BLTP1: variants seen among roughly 807,000 people sequenced by gnomAD.
BLTP1 encodes the protein fragile site-associated protein.
the BLTP1 span, among the ~76,000 whole-genome samples, chr4:122,173,763 CTTT>C: frequency 6.6e-6 from 1 of 152,004 alleles, no homozygotes; most frequent in Non-Finnish European, 1.5e-5. Context: ...TTTATTACTT[CTTT>C]AAGTGTTTCT....
chr4:122,289,450 G>A, the BLTP1 span: 151 of 965,922 alleles, frequency 1.6e-4, no homozygotes, highest in African/African-American at 2.3e-3. Flanking sequence ...AAAAAGAAAA[G>A]CTTACAGTAT....
At chr4:122,318,616 A>T in the BLTP1 span, among the ~76,000 whole-genome samples, 2 of 152,136 alleles carry the variant, frequency 1.3e-5, no homozygotes, top group African/African-American at 4.8e-5. Context: ...CTCTGCAAAA[A>T]ATGTGAAAAA....
chr4:122,204,449 G>T, the BLTP1 span: 2 of 845,102 alleles, frequency 2.4e-6, no homozygotes, highest in Non-Finnish European at 2.8e-6. Context: ...TACTATCCCT[G>T]AGTTAATAAT....
chr4:122,220,340 C>T, the BLTP1 span: 1 of 1,612,856 alleles, frequency 6.2e-7, no homozygotes, highest in Admixed American at 1.7e-5. Context: ...TAGCATGGAA[C>T]TACTGATGGT....
the BLTP1 span, chr4:122,325,877 G>A: frequency 8.5e-7 from 1 of 1,176,340 alleles, no homozygotes; most frequent in Non-Finnish European, 1.1e-6. Flanking sequence ...GTATGGGGAA[G>A]TACACCACAA....
the BLTP1 span, chr4:122,298,670 C>G: frequency 6.4e-4 from 7 of 10,958 alleles, no homozygotes; most frequent in Non-Finnish European, 8.1e-4. Context: ...GGTATTTAAA[C>G]ATATAATAAT....
the BLTP1 span, among the ~76,000 whole-genome samples, chr4:122,269,852 T>C: frequency 6.6e-5 from 10 of 152,222 alleles, no homozygotes. Context: ...CAGGGACTTA[T>C]ATTTTAAAAT....
At chr4:122,230,334 T>C in the BLTP1 span, 23 of 785,136 alleles carry the variant, frequency 2.9e-5, no homozygotes, top group South Asian at 2.9e-4. Context: ...CTAACATGAT[T>C]GTGCTGCTGC....
the BLTP1 span, chr4:122,167,578 A>G: frequency 1.7e-5 from 13 of 780,840 alleles, no homozygotes; most frequent in Middle Eastern, 6.6e-4. Flanking sequence ...CCTACTGGCC[A>G]TGGATGTTCT....
chr4:122,179,123 T>A, the BLTP1 span, among the ~76,000 whole-genome samples: 1 of 151,988 alleles, frequency 6.6e-6, no homozygotes, highest in African/African-American at 2.4e-5. Flanking sequence ...TATAAAAATT[T>A]TAAAAAATGA....
the BLTP1 span, chr4:122,200,587 A>AAAAAAAC: frequency 4.3e-6 from 4 of 938,218 alleles, no homozygotes; most frequent in African/African-American, 7.3e-5. Flanking sequence ...TCAAAACAAA[A>AAAAAAAC]AAAAAAAAAA....
chr4:122,358,970 C>T, the BLTP1 span, among the ~76,000 whole-genome samples: 1,082 of 151,838 alleles, frequency 7.1e-3, 8 homozygotes, highest in African/African-American at 0.025. Flanking sequence ...CTCTTTAGTA[C>T]CACTGTTCAA....
chr4:122,154,128 TAA>T, the BLTP1 span: 46 of 965,886 alleles, frequency 4.8e-5, no homozygotes, highest in East Asian at 4.6e-3. Context: ...TATTTTTGGC[TAA>T]GTTTTAAAAA....
chr4:122,343,207 C>A, the BLTP1 span: 1 of 237,344 alleles, frequency 4.2e-6, no homozygotes, highest in Non-Finnish European at 6.9e-6. Flanking sequence ...GAGTATTCAA[C>A]CCTGGTGTAA....
chr4:122,269,403 G>A, the BLTP1 span: 1 of 985,134 alleles, frequency 1.0e-6, no homozygotes, highest in Non-Finnish European at 1.2e-6. Context: ...GAGCTTCTTT[G>A]AGTGATTCTG....
the BLTP1 span, chr4:122,312,995 G>T: frequency 2.1e-6 from 1 of 485,676 alleles, no homozygotes; most frequent in Non-Finnish European, 2.7e-6. Context: ...ATGTAAAATT[G>T]TTGAATTTAA....
chr4:122,243,539 G>A, the BLTP1 span: 2 of 587,616 alleles, frequency 3.4e-6, no homozygotes, highest in Non-Finnish European at 4.3e-6. Context: ...TCAGGAATTC[G>A]AGACCAGCCT....
chr4:122,220,833 C>T, the BLTP1 span, among the ~76,000 whole-genome samples: 1 of 151,922 alleles, frequency 6.6e-6, no homozygotes, highest in Non-Finnish European at 1.5e-5. Flanking sequence ...TAACCAGTAC[C>T]ATAATATTTT....
At chr4:122,325,745 T>G in the BLTP1 span, 1 of 780,042 alleles carries the variant, frequency 1.3e-6, no homozygotes, top group Admixed American at 3.4e-5. Context: ...TCATAGCATA[T>G]TAAACATTAT....
Sources: allele counts gnomAD v4.1 joint callset (sites outside exome capture counted in the v4.1 genomes callset), GRCh38; gene constraint gnomAD v4.1.1; transcripts MANE v1.5; gene names NCBI Gene and HGNC (gene_info 2026-07-23, HGNC 2026-07-21).